TECTA: variants seen among roughly 807,000 people sequenced by gnomAD.
TECTA encodes alpha-tectorin.
A neutral mutation model predicts 216.8 loss-of-function variants in TECTA; 128 were observed. The ratio of observed to expected loss-of-function variants is 0.59; its 90% confidence interval spans 0.51 to 0.68. TECTA has a LOEUF of 0.68. Ranked by LOEUF, TECTA falls within the 30% of genes least tolerant of loss-of-function variation. The pLI is 0.00. For missense variants in TECTA, 2,551 were observed against 2,786.2 expected (o/e 0.92, Z 1.90); for synonymous variants, 1,089 against 1,117.1 (o/e 0.97, Z 0.50).
rs769069602 is a variant in TECTA at position 121,157,920 on chromosome 11, G to A, written c.4385G>A (p.Arg1462His). ...FRRNVIQCDP[R>H]QCKSDEECAL... is the part of the protein sequence containing the mutation. Reference sequence around the variant, plus strand: ...CGCAACGTGATTCAGTGCGACCCGCGCCAATGCAAGTCAGACGAGGAGTGT... The same window carrying A: ...CGCAACGTGATTCAGTGCGACCCGCACCAATGCAAGTCAGACGAGGAGTGT... Residue 1462 changes from arginine (R) to histidine (H), a missense_variant, in exon 14 of 24, where the codon CGC becomes CAC. Arg to His is a conservative substitution (Grantham distance 29). Transcript: ENST00000392793. The A allele has an allele frequency of 2.5e-6, 4 of 1,614,156 alleles. No homozygotes were observed. Among genetic ancestry groups the A allele is most frequent in the Admixed American group, 1.7e-5 (1 of 60,034 alleles).
At chr11:121,140,676 T>A (rs1946775844) in intron 11 of TECTA, among the ~76,000 whole-genome samples, 1 of 152,198 alleles carries the variant, frequency 6.6e-6, no homozygotes, top group Non-Finnish European at 1.5e-5. Context: ...CTCTCCTAGC[T>A]TCTGGCGGCT....
At position 121,109,588 on chromosome 11, in the gene TECTA, A is replaced by T. The variant is rs573253325; in HGVS notation, c.486+90A>T. 1.7e-5 allele frequency: 25 copies of T among 1,502,688 alleles called. No homozygotes were observed. The East Asian group carries it at 5.4e-4, about 33-fold the overall frequency. 93.1% of individuals were successfully genotyped at this position (1,502,688 alleles called of 1,614,324 possible). A position where few individuals can be genotyped will look rare whatever the true frequency, so the allele number is the denominator to read the frequency against. ...TACCACGAAGGAGTCTAATTATTAG[A>T]GCTAAGGAGTGTCAGTTCCCTTGAG... On this transcript the variant is annotated intron_variant, in intron 4 of 23. Coordinates refer to ENST00000392793, the MANE Select transcript of TECTA (RefSeq NM_005422.4).
At position 121,145,880 on chromosome 11, in the gene TECTA, A is replaced by T. The variant is rs771306773; in HGVS notation, c.3869A>T (p.Lys1290Met). Residue 1290 changes from lysine (K) to methionine (M), a missense_variant, in exon 12 of 24, where the codon AAG (lysine) becomes ATG (methionine). Physicochemically the swap from Lys to Met is moderately conservative, Grantham distance 95. Transcript: ENST00000392793. ...GGGGACCGCTGTCCGTCCTGTGCCA[A>T]GGTGGAAGGTTTCTCCAAAGTGCAG... The part of the protein sequence containing the change: ...GCGDRCPSCA[K>M]VEGFSKVQQL... The T allele has an allele frequency of 6.2e-7, 1 of 1,614,228 alleles. No homozygotes were observed. The highest frequency in any genetic ancestry group is 1.1e-5 in the South Asian group (1 of 91,084).
At chr11:121,117,979 T>C (rs1003814930) in intron 6 of TECTA, among the ~76,000 whole-genome samples, 3 of 152,212 alleles carry the variant, frequency 2.0e-5, no homozygotes, top group Non-Finnish European at 2.9e-5. Context: ...CATACCCTTT[T>C]CCATGGATTC....
At chr11:121,172,651 A>G (rs7932036) in intron 20 of TECTA, among the ~76,000 whole-genome samples, 58,519 of 148,084 alleles carry the variant, frequency 0.4, 11,992 homozygotes, top group African/African-American at 0.51. Context: ...ATAAACATAC[A>G]TGTGCATGTG....
At chr11:121,114,580 CCCACCCACCCACCCACCCAT>C (rs1490016750) in intron 6 of TECTA, among the ~76,000 whole-genome samples, 2 of 67,430 alleles carry the variant, frequency 3.0e-5, no homozygotes, top group Non-Finnish European at 5.7e-5. Flanking sequence ...TATCCAGCTA[CCCACCCACCCACCCACCCAT>C]CCACCCACCC....
At chr11:121,147,996 C>A (rs540703386) in intron 12 of TECTA, among the ~76,000 whole-genome samples, 3 of 152,308 alleles carry the variant, frequency 2.0e-5, no homozygotes, top group African/African-American at 7.2e-5. Flanking sequence ...AGGGCCCCCA[C>A]TACAAAGCTT....
intron 7 of TECTA, among the ~76,000 whole-genome samples, chr11:121,124,333 TC>T (rs1357750029): frequency 1.3e-5 from 2 of 152,136 alleles, no homozygotes; most frequent in African/African-American, 4.8e-5. Context: ...AGCCATCTCT[TC>T]CCTCTGTAGT....
intron 20 of TECTA, among the ~76,000 whole-genome samples, chr11:121,175,512 T>A (rs949716218): frequency 5.3e-5 from 8 of 152,238 alleles, no homozygotes; most frequent in Admixed American, 4.6e-4. Context: ...TTGAGTGAGT[T>A]TCTTAATCCT....
chr11:121,179,995 T>G (rs896295730), intron 20 of TECTA, among the ~76,000 whole-genome samples: 2 of 151,190 alleles, frequency 1.3e-5, no homozygotes, highest in South Asian at 4.2e-4. Context: ...TTTTTAGCTG[T>G]TCAACCAGTC....
rs1370738313 is a variant in TECTA, at chr11:121,165,362, G to A, written c.5362G>A (p.Glu1788Lys). Reference sequence around the variant, plus strand: ...TGGCAGGGAGCTGTGTGGCTGCATCGAGCCACCCCCCTATGGAAATAGTGA... The same window carrying A: ...TGGCAGGGAGCTGTGTGGCTGCATCAAGCCACCCCCCTATGGAAATAGTGA... ...GNGRELCGCI[E>K]PPPYGNNSHD... The change falls in exon 17 of 24, where the codon GAG becomes AAG. Residue 1788 changes from glutamate to lysine, a missense_variant. Transcript: ENST00000392793. 1.6e-5 allele frequency: 25 copies of A among 1,597,090 alleles called. No homozygotes were observed. The highest frequency in any genetic ancestry group is 1.0e-4 in the South Asian group (9 of 87,642).
At position 121,113,335 on chromosome 11, in the gene TECTA, G is replaced by T; in HGVS notation, c.624+126G>T. 6.5e-7 allele frequency: 1 copy of T among 1,545,496 alleles called. No individual in the cohort carries two copies. The highest frequency in any genetic ancestry group is 8.8e-7 in the Non-Finnish European group (1 of 1,130,284). On this transcript the variant is annotated intron_variant, in intron 5 of 23. Coordinates refer to ENST00000392793, the MANE Select transcript of TECTA (RefSeq NM_005422.4). This position sits in a 1 kb window ranked among gnomAD's most constrained non-coding sequence, Gnocchi z 4.2. ...TAGAGACGCAGGTCTGATCTCGCAG[G>T]TGGACTACGAGGCTAGTCCTGCCCA...
intron 10 of TECTA, among the ~76,000 whole-genome samples, chr11:121,131,583 G>A (rs1946675520): frequency 6.6e-6 from 1 of 152,126 alleles, no homozygotes; most frequent in African/African-American, 2.4e-5. Context: ...GTAATCTGAA[G>A]ACCATGTTCA....
intron 2 of TECTA, among the ~76,000 whole-genome samples, chr11:121,103,574 T>C (rs1218463936): frequency 2.0e-5 from 3 of 152,034 alleles, no homozygotes; most frequent in Non-Finnish European, 4.4e-5. Flanking sequence ...GTACATTTTA[T>C]TTGGTGGGAA....
intron 15 of TECTA, among the ~76,000 whole-genome samples, chr11:121,161,410 G>A (rs1946996597): frequency 6.6e-6 from 1 of 151,828 alleles, no homozygotes; most frequent in Admixed American, 6.6e-5. Flanking sequence ...AGAGAACTTT[G>A]GACATTACAT....
chr11:121,160,555 G>T (rs1367788919), intron 15 of TECTA, 134 bp downstream of exon 15: 3 of 1,266,716 alleles, frequency 2.4e-6, no homozygotes, highest in Non-Finnish European at 2.2e-6. Context: ...AAGCTCTTTG[G>T]AGTTTTGATG....
In TECTA at chr11:121,127,642, GACCCTC is replaced by G; in HGVS notation, c.1775-107_1775-102del. The G allele has an allele frequency of 1.5e-6, 2 of 1,312,772 alleles. No homozygotes were observed. Among genetic ancestry groups the G allele is most frequent in the Admixed American group, 1.7e-5 (1 of 59,394 alleles). The allele number at this position is 1,312,772 out of a possible 1,614,324, so 81.3% of individuals were successfully genotyped here. On this transcript the variant is annotated intron_variant, in intron 8 of 23. Coordinates refer to ENST00000392793, the MANE Select transcript of TECTA (RefSeq NM_005422.4). The surrounding 1 kb of genome is among the most constrained non-coding windows in gnomAD (Gnocchi z 5.0). ...TTCTGTCTTCCCCGAGTGGCCGCTTGACCCTCACTCTAGGAACTAAATGATCCAGGA... is the reference window on the plus strand; with the variant it reads ...TTCTGTCTTCCCCGAGTGGCCGCTTGACTCTAGGAACTAAATGATCCAGGA...
intron 20 of TECTA, among the ~76,000 whole-genome samples, chr11:121,179,974 G>GTTT (rs368080288): frequency 8.3e-6 from 1 of 120,692 alleles, no homozygotes; most frequent in Non-Finnish European, 1.8e-5. Context: ...TTGTTTGTTT[G>GTTT]TTTTTTTTTT....
intron 7 of TECTA, among the ~76,000 whole-genome samples, chr11:121,121,205 A>G (rs914706705): frequency 2.0e-5 from 3 of 152,238 alleles, no homozygotes; most frequent in African/African-American, 4.8e-5. Context: ...GGCAATGTCC[A>G]GTACAAAGCC....
Sources: gnomAD v4.1 joint callset for allele counts (sites outside exome capture counted in the v4.1 genomes callset) on GRCh38, gnomAD v4.1.1 for gene constraint, Gnocchi (gnomAD v3.1) non-coding constraint, MANE v1.5 for transcripts, NCBI Gene and HGNC (gene_info 2026-07-23, HGNC 2026-07-21) for gene names.